Variants in TBC1D19 observed in about 807,000 individuals in gnomAD.
TBC1D19 encodes the protein TBC1 domain family member 19, also known as TBC1 domain family, member 19.
A neutral mutation model predicts 89.0 loss-of-function variants in TBC1D19; 60 were observed. That is an observed-to-expected ratio of 0.67 (90% CI 0.55 to 0.84). The LOEUF (loss-of-function observed/expected upper bound fraction) is 0.84. TBC1D19 is among the 40% of genes least tolerant of loss of function. The pLI, the probability that TBC1D19 is intolerant of heterozygous loss-of-function variation, is 0.00. For synonymous variants in TBC1D19, 189 were observed against 199.7 expected (o/e 0.95, Z 0.45); for missense variants, 500 against 610.8 (o/e 0.82, Z 1.91).
At chr4:26,804,699 T>G in the TBC1D19 span, among the ~76,000 whole-genome samples, 1 of 152,158 alleles carries the variant, frequency 6.6e-6, no homozygotes, top group Non-Finnish European at 1.5e-5. Context: ...GGCCCGGGTT[T>G]GCCAGGACTC....
chr4:26,659,724 A>T lies in TBC1D19; in HGVS notation c.591+17A>T, dbSNP rs1460730006. On this transcript the variant is annotated intron_variant, in intron 8 of 20. Transcript: ENST00000264866. ...CCTGAATTGGTAAGTATAGAAACTT[A>T]AAAATAAACATCATTTAGAAGATAA... The T allele has an allele frequency of 6.8e-7, 1 of 1,462,104 alleles. No individual in the cohort carries two copies. Among genetic ancestry groups the T allele is most frequent in the East Asian group, 2.3e-5 (1 of 43,408 alleles). The allele number at this position is 1,462,104 out of a possible 1,614,324, so 90.6% of individuals were successfully genotyped here. A position where few individuals can be genotyped will look rare whatever the true frequency, so the allele number is the denominator to read the frequency against.
At chr4:26,740,629 T>G (rs1560507217) in intron 17 of TBC1D19, 3 of 984,980 alleles carry the variant, frequency 3.0e-6, no homozygotes, top group Non-Finnish European at 3.6e-6. Context: ...TCATATCTTT[T>G]TTTTCCCTTC....
the TBC1D19 span, among the ~76,000 whole-genome samples, chr4:26,764,408 T>A: frequency 1.3e-5 from 2 of 152,158 alleles, no homozygotes; most frequent in Non-Finnish European, 2.9e-5. Flanking sequence ...AGGAGATGGC[T>A]GTAGTTGTTC....
intron 13 of TBC1D19, among the ~76,000 whole-genome samples, chr4:26,696,646 A>G (rs1348161505): frequency 6.6e-6 from 1 of 152,248 alleles, no homozygotes; most frequent in African/African-American, 2.4e-5. Flanking sequence ...AACAGAAATT[A>G]TAACAAACTG....
At chr4:26,644,724 T>G (rs963818174) in intron 7 of TBC1D19, among the ~76,000 whole-genome samples, 8 of 152,304 alleles carry the variant, frequency 5.3e-5, no homozygotes, top group East Asian at 3.9e-4. Context: ...TTCAGCAAAG[T>G]CTCAGGATAC....
At chr4:26,741,065 A>G (rs948780580) in intron 17 of TBC1D19, 10 of 802,110 alleles carry the variant, frequency 1.2e-5, no homozygotes, top group Non-Finnish European at 1.5e-5. Flanking sequence ...AAGATTAATA[A>G]TTCTTTTCTG....
At chr4:26,643,074 G>A (rs1432030105) in intron 7 of TBC1D19, among the ~76,000 whole-genome samples, 1 of 152,164 alleles carries the variant, frequency 6.6e-6, no homozygotes, top group African/African-American at 2.4e-5. Context: ...GCCCCAAGCT[G>A]ATCTAATAGA....
the TBC1D19 span, among the ~76,000 whole-genome samples, chr4:26,817,284 C>T: frequency 2.3e-4 from 35 of 152,284 alleles, no homozygotes; most frequent in African/African-American, 6.7e-4. Flanking sequence ...CCCCCTCTCC[C>T]GCACCCCGCC....
chr4:26,694,452 T>C (rs2109181279), intron 13 of TBC1D19, among the ~76,000 whole-genome samples: 1 of 152,304 alleles, frequency 6.6e-6, no homozygotes, highest in South Asian at 2.1e-4. Flanking sequence ...CCTGCCTCTG[T>C]AGATTTCACC....
chr4:26,811,698 T>A, the TBC1D19 span, among the ~76,000 whole-genome samples: 66 of 152,334 alleles, frequency 4.3e-4, no homozygotes, highest in Non-Finnish European at 8.4e-4. Flanking sequence ...TGTGGTTAAT[T>A]CTTGATGATA....
chr4:26,641,523 C>T (rs1406745102), intron 7 of TBC1D19, among the ~76,000 whole-genome samples: 1 of 152,110 alleles, frequency 6.6e-6, no homozygotes, highest in African/African-American at 2.4e-5. Context: ...CCCTTCTCCT[C>T]CAAAGGATCG....
At chr4:26,604,037 C>T (rs889371047) in intron 1 of TBC1D19, among the ~76,000 whole-genome samples, 1 of 152,092 alleles carries the variant, frequency 6.6e-6, no homozygotes, top group Non-Finnish European at 1.5e-5. Flanking sequence ...CTTTAGGCAC[C>T]TCACATAAGT....
intron 1 of TBC1D19, among the ~76,000 whole-genome samples, chr4:26,602,590 G>A (rs369346086): frequency 7.9e-5 from 12 of 151,744 alleles, no homozygotes; most frequent in East Asian, 5.8e-4. Context: ...ACAAGCGCCC[G>A]CCACCATGCC....
chr4:26,810,284 A>G, the TBC1D19 span, among the ~76,000 whole-genome samples: 6 of 152,148 alleles, frequency 3.9e-5, no homozygotes, highest in South Asian at 6.2e-4. Flanking sequence ...TCATCTCCCA[A>G]TGAACCTACT....
chr4:26,748,971 T>C (rs944190782), intron 19 of TBC1D19, among the ~76,000 whole-genome samples: 1 of 152,244 alleles, frequency 6.6e-6, no homozygotes, highest in Admixed American at 6.5e-5. Flanking sequence ...ACCTCAGCTC[T>C]TCTGTGTCTA....
At chr4:26,840,755 A>C in the TBC1D19 span, among the ~76,000 whole-genome samples, 1 of 152,144 alleles carries the variant, frequency 6.6e-6, no homozygotes, top group Non-Finnish European at 1.5e-5. Flanking sequence ...GCTATCTTGA[A>C]ATTCTTACGT....
the TBC1D19 span, among the ~76,000 whole-genome samples, chr4:26,828,756 AG>A: frequency 7.2e-5 from 11 of 152,224 alleles, no homozygotes; most frequent in African/African-American, 2.7e-4. Context: ...TAAGACTGTA[AG>A]GAAACCCTGA....
the TBC1D19 span, among the ~76,000 whole-genome samples, chr4:26,762,742 T>C: frequency 1.3e-5 from 2 of 152,160 alleles, no homozygotes; most frequent in African/African-American, 2.4e-5. Context: ...AGTGTTCTTA[T>C]AATTGAAAGT....
intron 9 of TBC1D19, among the ~76,000 whole-genome samples, chr4:26,670,821 G>A (rs1236044794): frequency 6.6e-6 from 1 of 151,464 alleles, no homozygotes; most frequent in Non-Finnish European, 1.5e-5. Context: ...AAATCATATA[G>A]TATATACTCT....
Sources: allele counts gnomAD v4.1 joint callset (sites outside exome capture counted in the v4.1 genomes callset), GRCh38; gene constraint gnomAD v4.1.1; transcripts MANE v1.5; gene names NCBI Gene and HGNC (gene_info 2026-07-23, HGNC 2026-07-21).